The following ERC2 variants were observed in gnomAD, a reference collection of about 807,000 sequenced individuals.
ERC2 encodes the protein ERC protein 2.
Under a neutral mutation model 114.8 loss-of-function variants are expected in ERC2, and 42 were observed. The ratio of observed to expected loss-of-function variants is 0.37; its 90% confidence interval spans 0.29 to 0.47. The LOEUF (loss-of-function observed/expected upper bound fraction) is 0.47. ERC2 is among the 20% of genes least tolerant of loss of function. ERC2 has a pLI of 0.99. For missense variants in ERC2, 939 were observed against 1,150.7 expected (o/e 0.82, Z 2.66); for synonymous variants, 454 against 425.5 (o/e 1.07, Z -0.82).
chr3:55,917,159 C>T (rs1476400477), intron 13 of ERC2, among the ~76,000 whole-genome samples: 1 of 152,104 alleles, frequency 6.6e-6, no homozygotes, highest in East Asian at 1.9e-4. Context: ...TTCCATGATG[C>T]CAATGGTTTG....
At chr3:55,758,798 G>C (rs1378181335) in intron 14 of ERC2, among the ~76,000 whole-genome samples, 2 of 152,176 alleles carry the variant, frequency 1.3e-5, no homozygotes, top group Non-Finnish European at 2.9e-5. Flanking sequence ...TTTCCAAGAA[G>C]GTTATGGTGG....
intron 17 of ERC2, among the ~76,000 whole-genome samples, chr3:55,650,811 T>C (rs1167703084): frequency 1.3e-5 from 2 of 151,662 alleles, no homozygotes; most frequent in African/African-American, 2.4e-5. Flanking sequence ...TTTGTATTCC[T>C]ACGGCCTTTG....
chr3:56,428,186 A>G (rs2061645603), intron 2 of ERC2, among the ~76,000 whole-genome samples: 1 of 152,156 alleles, frequency 6.6e-6, no homozygotes, highest in South Asian at 2.1e-4. Flanking sequence ...CTCACAATGA[A>G]GTTAGTATTT....
At chr3:55,551,258 C>A (rs545625472) in intron 17 of ERC2, among the ~76,000 whole-genome samples, 2 of 152,174 alleles carry the variant, frequency 1.3e-5, no homozygotes, top group Non-Finnish European at 2.9e-5. Context: ...CACGGTGGCT[C>A]ATGCCTGTAA....
intron 3 of ERC2, among the ~76,000 whole-genome samples, chr3:56,199,552 G>C (rs976436371): frequency 6.6e-6 from 1 of 152,026 alleles, no homozygotes; most frequent in African/African-American, 2.4e-5. Flanking sequence ...CTGTCACCCA[G>C]GCTGGAGTGG....
chr3:56,198,482 T>C (rs2048234014), intron 3 of ERC2, among the ~76,000 whole-genome samples: 1 of 152,152 alleles, frequency 6.6e-6, no homozygotes, highest in Non-Finnish European at 1.5e-5. Flanking sequence ...GCCTGAGCTA[T>C]GGCAGATGAT....
intron 13 of ERC2, 95 bp from the exon 14 acceptor site, chr3:55,888,644 A>G (rs1332722327): frequency 2.1e-6 from 3 of 1,451,422 alleles, no homozygotes; most frequent in Non-Finnish European, 2.9e-6. Flanking sequence ...ACACAAAGGA[A>G]TCACAGGGAT....
intron 6 of ERC2, among the ~76,000 whole-genome samples, chr3:56,110,815 A>G (rs1334128307): frequency 6.6e-6 from 1 of 152,224 alleles, no homozygotes; most frequent in Non-Finnish European, 1.5e-5. Flanking sequence ...ATCTAAATGG[A>G]TAATCAAAGA....
intron 14 of ERC2, among the ~76,000 whole-genome samples, chr3:55,804,745 C>T (rs1487812069): frequency 6.6e-6 from 1 of 152,110 alleles, no homozygotes; most frequent in Non-Finnish European, 1.5e-5. Flanking sequence ...ATCTTAAAAA[C>T]CAACAGCCAT....
intron 2 of ERC2, among the ~76,000 whole-genome samples, chr3:56,406,108 G>T (rs964719241): frequency 6.8e-6 from 1 of 146,918 alleles, no homozygotes; most frequent in African/African-American, 2.5e-5. Context: ...GGCCAGGCTT[G>T]TCGTGAACTC....
At chr3:55,815,932 C>A (rs2059891180) in intron 14 of ERC2, among the ~76,000 whole-genome samples, 1 of 152,192 alleles carries the variant, frequency 6.6e-6, no homozygotes, top group South Asian at 2.1e-4. Flanking sequence ...CTCTGGAAAA[C>A]CTACCAGACT....
intron 17 of ERC2, among the ~76,000 whole-genome samples, chr3:55,632,803 G>A (rs1272332559): frequency 1.3e-5 from 2 of 152,172 alleles, no homozygotes; most frequent in Non-Finnish European, 2.9e-5. Flanking sequence ...GTGAAAGAAA[G>A]GAAGAGAAGA....
chr3:55,943,686 C>A (rs2066953365), intron 13 of ERC2, among the ~76,000 whole-genome samples: 1 of 152,144 alleles, frequency 6.6e-6, no homozygotes, highest in Admixed American at 6.5e-5. Context: ...AAGATCACCC[C>A]ACGAAAGCAT....
chr3:55,652,937 G>T (rs930539948), intron 17 of ERC2, among the ~76,000 whole-genome samples: 4 of 150,662 alleles, frequency 2.7e-5, no homozygotes, highest in Non-Finnish European at 5.9e-5. Flanking sequence ...GGCACAGACA[G>T]TTGAGCGCAC....
At chr3:55,592,522 G>A (rs2057941192) in intron 17 of ERC2, among the ~76,000 whole-genome samples, 1 of 152,180 alleles carries the variant, frequency 6.6e-6, no homozygotes, top group South Asian at 2.1e-4. Context: ...ATGGAAGGGA[G>A]GAGAGGGTAG....
chr3:55,726,727 C>T (rs2064946812), intron 15 of ERC2, among the ~76,000 whole-genome samples: 1 of 152,156 alleles, frequency 6.6e-6, no homozygotes, highest in South Asian at 2.1e-4. Flanking sequence ...GAATGTTTAC[C>T]TAGACATGGG....
rs1560298966 is a variant in ERC2, at chr3:56,170,603, T to TTTG, written c.1149+2842_1149+2843insCAA. Among the ~76,000 whole-genome samples the TTTG allele has an allele frequency of 1.2e-3, 99 of 82,784 alleles. 3 individuals are homozygous for TTTG. The highest frequency in any genetic ancestry group is 2.8e-3 in the African/African-American group (92 of 32,550). The allele number at this position is 82,784 out of a possible 152,430, so 54.3% of individuals were successfully genotyped here. On this transcript the variant is annotated intron_variant, in intron 4 of 17. Transcript: ENST00000288221. The stretch of plus-strand genomic sequence containing the variant: ...CTCTTCTGTTTTTTTTTTTTTTTTT[T>TTTG]TTTTTTTTTTTGAGGTAGTGTCTCA...
intron 15 of ERC2, among the ~76,000 whole-genome samples, chr3:55,732,464 A>C (rs709343): frequency 1.3e-5 from 2 of 151,984 alleles, no homozygotes; most frequent in Non-Finnish European, 2.9e-5. Flanking sequence ...TGCGTAGCTG[A>C]GGTTTCCCAA....
intron 3 of ERC2, among the ~76,000 whole-genome samples, chr3:56,273,248 CT>C (rs994784733): frequency 1.4e-3 from 182 of 125,906 alleles, no homozygotes; most frequent in African/African-American, 4.9e-3. Context: ...ACACCTCCCA[CT>C]TTTTTTTTCT....
Sources: allele counts gnomAD v4.1 joint callset (sites outside exome capture counted in the v4.1 genomes callset), GRCh38; gene constraint gnomAD v4.1.1; transcripts MANE v1.5; gene names NCBI Gene and HGNC (gene_info 2026-07-23, HGNC 2026-07-21).